The following SPIRE1 variants were observed in gnomAD, a reference collection of about 807,000 sequenced individuals.
SPIRE1 encodes the protein protein spire homolog 1.
Under a neutral mutation model 94.1 loss-of-function variants are expected in SPIRE1, and 40 were observed. The observed-to-expected ratio is 0.43, with a 90% confidence interval of 0.33 to 0.55. The LOEUF is 0.55. Ranked by LOEUF, SPIRE1 falls within the 20% of genes least tolerant of loss-of-function variation. SPIRE1 has a pLI of 0.06. For missense variants in SPIRE1, 838 were observed against 975.2 expected, an observed-to-expected ratio of 0.86 and a Z score of 1.87; for synonymous variants, 376 against 371.7, an observed-to-expected ratio of 1.01 and a Z score of -0.13.
At chr18:12,477,171 G>A (rs993453949) in intron 10 of SPIRE1, among the ~76,000 whole-genome samples, 2 of 152,142 alleles carry the variant, frequency 1.3e-5, no homozygotes, top group South Asian at 4.1e-4. Flanking sequence ...GTTGCCTCAT[G>A]AGGTGATGAA....
In SPIRE1 at chr18:12,449,837, T is replaced by A. The variant is rs2031136966; in HGVS notation, c.2072A>T (p.Glu691Val). The A allele has an allele frequency of 1.2e-6, 2 of 1,613,992 alleles. No homozygotes were observed. The highest frequency in any genetic ancestry group is 2.2e-5 in the East Asian group (1 of 44,890). Residue 691 changes from glutamate (E) to valine (V), a missense_variant, in exon 17 of 17, where the codon GAG becomes GTG. By Grantham distance (121) the Glu-to-Val change is moderately radical. Transcript: ENST00000409402. ...KSDEELQFPK[E>V]LMEDWSTMEV... is the part of the protein sequence containing the mutation. ...CATGGTGCTCCAGTCCTCCATCAAC[T>A]CTTTGGGAAACTGGAGTTCTTCATC...
At chr18:12,461,486 G>GTATGTACATATGTACGTACATACA (rs1568183918) in intron 12 of SPIRE1, among the ~76,000 whole-genome samples, 15 of 147,884 alleles carry the variant, frequency 1.0e-4, no homozygotes, top group African/African-American at 3.4e-4. Context: ...ACATACATAT[G>GTATGTACATATGTACGTACATACA]TGTGTATGCA....
chr18:12,645,508 C>T (rs2038200137), intron 1 of SPIRE1, among the ~76,000 whole-genome samples: 1 of 152,168 alleles, frequency 6.6e-6, no homozygotes. Flanking sequence ...ATACCATGTC[C>T]TATTTCCTAA....
intron 10 of SPIRE1, among the ~76,000 whole-genome samples, chr18:12,466,078 C>T (rs1341009440): frequency 6.7e-6 from 1 of 149,628 alleles, no homozygotes; most frequent in East Asian, 2.0e-4. Flanking sequence ...AGTGATACTC[C>T]GTCTCAGAAA....
At chr18:12,574,184 A>G (rs2036032585) in intron 2 of SPIRE1, among the ~76,000 whole-genome samples, 1 of 152,262 alleles carries the variant, frequency 6.6e-6, no homozygotes, top group South Asian at 2.1e-4. Context: ...AGAATTCTCT[A>G]TACTTTCTGA....
chr18:12,629,743 A>G (rs1051731349), intron 2 of SPIRE1, among the ~76,000 whole-genome samples: 1 of 152,198 alleles, frequency 6.6e-6, no homozygotes, highest in African/African-American at 2.4e-5. Flanking sequence ...ATAAAAAGGT[A>G]AATTTTACTG....
At chr18:12,590,749 G>A (rs966188419) in intron 2 of SPIRE1, among the ~76,000 whole-genome samples, 4 of 152,234 alleles carry the variant, frequency 2.6e-5, no homozygotes, top group Admixed American at 1.3e-4. Flanking sequence ...GCGGGGGCAG[G>A]AGCGCTACAG....
chr18:12,591,340 G>A (rs765133055), intron 2 of SPIRE1, among the ~76,000 whole-genome samples: 5 of 152,280 alleles, frequency 3.3e-5, no homozygotes, highest in East Asian at 1.9e-4. Flanking sequence ...AGAAGTGAAC[G>A]AGAGAGAAAA....
chr18:12,531,920 G>C (rs1447382766), intron 4 of SPIRE1, among the ~76,000 whole-genome samples: 3 of 152,188 alleles, frequency 2.0e-5, no homozygotes, highest in Non-Finnish European at 4.4e-5. Context: ...TCTGGAATAT[G>C]GTGGTGTCAC....
At chr18:12,452,187 CCA>C (rs1308998487) in intron 16 of SPIRE1, 66 bp downstream of exon 16, 1 of 1,597,690 alleles carries the variant, frequency 6.3e-7, no homozygotes, top group African/African-American at 1.3e-5. Context: ...TAACACTCTA[CCA>C]CAGTCCTCAA....
chr18:12,494,100 A>G (rs2033345414), intron 7 of SPIRE1, among the ~76,000 whole-genome samples: 1 of 151,460 alleles, frequency 6.6e-6, no homozygotes, highest in African/African-American at 2.4e-5. Context: ...CTTTGTAGAG[A>G]GAGGGTCTCT....
intron 1 of SPIRE1, among the ~76,000 whole-genome samples, chr18:12,642,796 A>G (rs1397398695): frequency 6.6e-6 from 1 of 152,206 alleles, no homozygotes; most frequent in Admixed American, 6.5e-5. Flanking sequence ...GAAGAGCATT[A>G]GGACAAATAT....
At chr18:12,495,953 AC>A in intron 7 of SPIRE1, 62 bp downstream of exon 7, 1 of 1,209,014 alleles carries the variant, frequency 8.3e-7, no homozygotes. Flanking sequence ...TAGAGATGAC[AC>A]CCTAGAGTAG....
chr18:12,512,805 CTTCTT>C (rs1204342243), intron 4 of SPIRE1, among the ~76,000 whole-genome samples: 1 of 140,406 alleles, frequency 7.1e-6, no homozygotes, highest in Non-Finnish European at 1.5e-5. Context: ...CTTAAGCTCT[CTTCTT>C]TTCATCTCTA....
chr18:12,629,501 T>A (rs898165653), intron 2 of SPIRE1, among the ~76,000 whole-genome samples: 1 of 152,158 alleles, frequency 6.6e-6, no homozygotes, highest in Non-Finnish European at 1.5e-5. Context: ...TATAAATTAG[T>A]AGTCTGAGCT....
chr18:12,510,061 G>A (rs534148736), intron 5 of SPIRE1, among the ~76,000 whole-genome samples: 1 of 151,384 alleles, frequency 6.6e-6, no homozygotes, highest in South Asian at 2.1e-4. Flanking sequence ...CTCCAGCCTG[G>A]GCGACAGAGC....
At chr18:12,452,735 T>C (rs1198593121) in intron 14 of SPIRE1, 1 of 611,910 alleles carries the variant, frequency 1.6e-6, no homozygotes, top group Non-Finnish European at 2.9e-6. Flanking sequence ...TACATGTGTT[T>C]GGAATTTTCT....
intron 9 of SPIRE1, among the ~76,000 whole-genome samples, chr18:12,480,846 G>A (rs559043658): frequency 6.6e-6 from 1 of 152,066 alleles, no homozygotes; most frequent in African/African-American, 2.4e-5. Flanking sequence ...CTATAAAATC[G>A]GTACATTTAT....
intron 2 of SPIRE1, among the ~76,000 whole-genome samples, chr18:12,557,010 T>C (rs916196919): frequency 1.3e-5 from 2 of 152,166 alleles, no homozygotes; most frequent in Non-Finnish European, 1.5e-5. Flanking sequence ...TGCTGATTGG[T>C]GCGTTTACAA....
Sources: gnomAD v4.1 joint callset for allele counts (sites outside exome capture counted in the v4.1 genomes callset) on GRCh38, gnomAD v4.1.1 for gene constraint, MANE v1.5 for transcripts, NCBI Gene and HGNC (gene_info 2026-07-23, HGNC 2026-07-21) for gene names.